CHD6: variants seen among roughly 807,000 people sequenced by gnomAD.
CHD6 encodes chromodomain helicase DNA binding protein 6.
CHD6 carries 50 observed loss-of-function variants against 276.9 expected under a neutral mutation model. That is an observed-to-expected ratio of 0.18 (90% CI 0.14 to 0.23). The LOEUF is 0.23. Ranked by LOEUF, CHD6 falls within the 10% of genes least tolerant of loss-of-function variation. CHD6 has a pLI of 1.00. For synonymous variants in CHD6, 1,173 were observed against 1,229.3 expected, an observed-to-expected ratio of 0.95 and a Z score of 0.96; for missense variants, 2,564 against 3,365.8, an observed-to-expected ratio of 0.76 and a Z score of 5.89.
chr20:41,565,763 A>G (rs964729918), intron 1 of CHD6, among the ~76,000 whole-genome samples: 1 of 152,178 alleles, frequency 6.6e-6, no homozygotes, highest in African/African-American at 2.4e-5. Flanking sequence ...GAAATGTTCT[A>G]TTTGGGGCGC....
At chr20:41,510,797 A>AT (rs1381949196) in intron 5 of CHD6, among the ~76,000 whole-genome samples, 1 of 152,238 alleles carries the variant, frequency 6.6e-6, no homozygotes, top group Non-Finnish European at 1.5e-5. Context: ...CAAACCAACC[A>AT]TAACATCCCC....
chr20:41,514,462 G>A (rs1234224812), intron 4 of CHD6, among the ~76,000 whole-genome samples: 1 of 152,082 alleles, frequency 6.6e-6, no homozygotes, highest in Non-Finnish European at 1.5e-5. Flanking sequence ...GTACGGGCTG[G>A]CCTGGCACTC....
In CHD6 at chr20:41,484,420, T is replaced by G. The variant is rs767881117; in HGVS notation, c.2189A>C (p.Asn730Thr). The G allele has an allele frequency of 8.0e-5, 129 of 1,613,772 alleles. No homozygotes were observed. Among genetic ancestry groups the G allele is most frequent in the Non-Finnish European group, 1.0e-4 (121 of 1,179,836 alleles). The stretch of plus-strand genomic sequence containing the variant: ...CATGGTGTTGATGAGATTGGGCATG[T>G]TGTGCTGATTTGCCCCCTTGGTCAG... The part of the protein sequence containing the change: ...SFLTKGANQH[N>T]MPNLINTMME... The change falls in exon 15 of 37, where the codon AAC becomes ACC. Residue 730 changes from asparagine (N) to threonine (T), a missense_variant. Around this residue, in one of 7 missense-constraint regions of CHD6, gnomAD observed 457 missense variants for 889.0 expected, o/e 0.51. Transcript: ENST00000373233.
At chr20:41,429,761 C>T (rs2047475674) in intron 27 of CHD6, among the ~76,000 whole-genome samples, 1 of 152,112 alleles carries the variant, frequency 6.6e-6, no homozygotes, top group African/African-American at 2.4e-5. Flanking sequence ...GAAGTATCAT[C>T]CAACAATAAA....
chr20:41,617,386 T>C (rs1021134007), intron 1 of CHD6, among the ~76,000 whole-genome samples: 3 of 152,096 alleles, frequency 2.0e-5, no homozygotes, highest in Non-Finnish European at 2.9e-5. Context: ...TGTACACAAA[T>C]ATAAAGTGCC....
intron 27 of CHD6, among the ~76,000 whole-genome samples, chr20:41,428,851 A>C (rs1395452253): frequency 6.6e-6 from 1 of 152,220 alleles, no homozygotes; most frequent in East Asian, 1.9e-4. Context: ...TACAATGGGC[A>C]TAAGAATAAT....
intron 8 of CHD6, among the ~76,000 whole-genome samples, chr20:41,496,320 C>T (rs887108943): frequency 6.6e-6 from 1 of 152,144 alleles, no homozygotes; most frequent in Non-Finnish European, 1.5e-5. Flanking sequence ...ATTTATTCAT[C>T]CTACCCTGTC....
At chr20:41,534,364 A>G (rs1601105223) in intron 2 of CHD6, among the ~76,000 whole-genome samples, 1 of 152,354 alleles carries the variant, frequency 6.6e-6, no homozygotes, top group East Asian at 1.9e-4. Context: ...GCTAAAGGGC[A>G]CAGACAGTTG....
chr20:41,417,730 G>A (rs781090863), intron 31 of CHD6, among the ~76,000 whole-genome samples: 5 of 152,146 alleles, frequency 3.3e-5, no homozygotes, highest in Non-Finnish European at 7.3e-5. Context: ...ATCTTTGAAG[G>A]GACAGTCTAT....
intron 1 of CHD6, among the ~76,000 whole-genome samples, chr20:41,580,123 T>C (rs1185739935): frequency 2.0e-5 from 3 of 152,164 alleles, no homozygotes; most frequent in East Asian, 1.9e-4. Flanking sequence ...GTCTACTACA[T>C]GTATAGAAGA....
chr20:41,607,362 T>C (rs2045840253), intron 1 of CHD6, among the ~76,000 whole-genome samples: 1 of 152,190 alleles, frequency 6.6e-6, no homozygotes, highest in Non-Finnish European at 1.5e-5. Context: ...ATCATGATGC[T>C]TGTAGTGGCA....
At chr20:41,448,107 T>C (rs2048125695) in intron 23 of CHD6, 136 bp from the exon 24 acceptor site, 3 of 485,502 alleles carry the variant, frequency 6.2e-6, no homozygotes, top group Non-Finnish European at 7.3e-6. Context: ...GAGAAGGCAC[T>C]AGAAAAACAA....
intron 2 of CHD6, among the ~76,000 whole-genome samples, chr20:41,543,424 A>G (rs2146118189): frequency 6.6e-6 from 1 of 152,210 alleles, no homozygotes; most frequent in Non-Finnish European, 1.5e-5. Context: ...ACCAACCTCT[A>G]TTTTGTTTCC....
chr20:41,503,223 T>C (rs2043881304), intron 5 of CHD6, among the ~76,000 whole-genome samples: 4 of 152,162 alleles, frequency 2.6e-5, no homozygotes. Context: ...AAATAAAAAA[T>C]ACGTATTTGC....
At position 41,403,887 on chromosome 20, in the gene CHD6, GGA is replaced by G; in HGVS notation, c.*704_*705del. ...TGGGTAAAGCTTTCTCGCAGCAAGAGGAATCTTTTCACTGGTGAGAGGGATGT... is the reference window on the plus strand; with the variant it reads ...TGGGTAAAGCTTTCTCGCAGCAAGAGATCTTTTCACTGGTGAGAGGGATGT... On this transcript the variant is annotated 3_prime_UTR_variant, in exon 37 of 37. Coordinates refer to ENST00000373233, the MANE Select transcript of CHD6 (RefSeq NM_032221.5). 1 of 1,056,822 alleles carries G rather than the reference GGA, an allele frequency of 9.5e-7. No individual in the cohort carries two copies. The highest frequency in any genetic ancestry group is 1.1e-6 in the Non-Finnish European group (1 of 873,960). The allele number at this position is 1,056,822 out of a possible 1,614,324, so 65.5% of individuals were successfully genotyped here. A position where few individuals can be genotyped will look rare whatever the true frequency, so the allele number is the denominator to read the frequency against.
intron 22 of CHD6, 80 bp from the exon 23 acceptor site, chr20:41,451,185 G>T: frequency 7.7e-7 from 1 of 1,298,302 alleles, no homozygotes; most frequent in Non-Finnish European, 1.1e-6. Flanking sequence ...CTGGGCTGGG[G>T]TTTGTTAGAA....
chr20:41,459,716 T>C (rs1600912191), intron 17 of CHD6, among the ~76,000 whole-genome samples: 1 of 152,252 alleles, frequency 6.6e-6, no homozygotes, highest in Non-Finnish European at 1.5e-5. Flanking sequence ...TCCCCAGCCA[T>C]GTGGAACTGT....
chr20:41,549,634 A>G (rs2045113876), intron 2 of CHD6, among the ~76,000 whole-genome samples: 1 of 151,788 alleles, frequency 6.6e-6, no homozygotes, highest in South Asian at 2.1e-4. Context: ...CCTAAAACTT[A>G]AAGTATAATA....
intron 10 of CHD6, among the ~76,000 whole-genome samples, chr20:41,492,839 T>C (rs1395562437): frequency 6.6e-6 from 1 of 152,232 alleles, no homozygotes; most frequent in Non-Finnish European, 1.5e-5. Flanking sequence ...GAGAATTGCT[T>C]GAACTCGGGA....
Sources: gnomAD v4.1 joint callset for allele counts (sites outside exome capture counted in the v4.1 genomes callset) on GRCh38, gnomAD v4.1.1 for gene constraint, gnomAD v4.1.1 regional missense constraint, MANE v1.5 for transcripts, NCBI Gene and HGNC (gene_info 2026-07-23, HGNC 2026-07-21) for gene names.